LMAN1L: variants seen among roughly 807,000 people sequenced by gnomAD.
LMAN1L encodes protein ERGIC-53-like.
A neutral mutation model predicts 58.3 loss-of-function variants in LMAN1L; 60 were observed. The ratio of observed to expected loss-of-function variants is 1.03; its 90% CI spans 0.84 to 1.27. LMAN1L has a LOEUF of 1.27. Ranked by LOEUF, LMAN1L falls within the 50% of genes most tolerant of loss-of-function variation. The pLI is 0.00. For missense variants in LMAN1L, 629 were observed against 674.0 expected, an observed-to-expected ratio of 0.93 and a Z score of 0.74; for synonymous variants, 280 against 271.6, an observed-to-expected ratio of 1.03 and a Z score of -0.31.
intron 1 of LMAN1L, chr15:74,813,510 G>A (rs1280821397): frequency 4.4e-6 from 2 of 455,956 alleles, no homozygotes; most frequent in African/African-American, 4.0e-5. Flanking sequence ...CCCTGTATGT[G>A]TGTTGTGGGT....
At chr15:74,819,099 G>A in intron 5 of LMAN1L, 53 bp from the exon 6 acceptor site, 1 of 1,551,668 alleles carries the variant, frequency 6.4e-7, no homozygotes, top group South Asian at 1.2e-5. Flanking sequence ...GGGGAGCCAG[G>A]GAGTCAGAGG....
In LMAN1L at chr15:74,819,244, G is replaced by A. The variant is rs375882145; in HGVS notation, c.690G>A (p.Gly230=). Residue 230 remains glycine, a synonymous_variant, in exon 6 of 14, where the codon GGG becomes GGA. Coordinates refer to ENST00000309664, the MANE Select transcript of LMAN1L (RefSeq NM_021819.3). ...PLLLVPGGFF[G]VSAATGTLAD... ...TTTTGGTCCCTGGAGGTTTCTTTGGGGTCTCAGCAGCCACCGGCACCCTGG... is the reference window on the plus strand; with the variant it reads ...TTTTGGTCCCTGGAGGTTTCTTTGGAGTCTCAGCAGCCACCGGCACCCTGG... 1.2e-6 allele frequency: 2 copies of A among 1,613,976 alleles called. No individual in the cohort carries two copies. The highest frequency in any genetic ancestry group is 2.7e-5 in the African/African-American group (2 of 74,892).
intron 12 of LMAN1L, 80 bp downstream of exon 12, chr15:74,823,762 A>G (rs2063928546): frequency 2.0e-6 from 3 of 1,532,844 alleles, no homozygotes; most frequent in Non-Finnish European, 2.7e-6. Flanking sequence ...GCACTTCAGC[A>G]GCCCCAAGCC....
rs2063909595 is a variant in LMAN1L, at chr15:74,820,095, C to T, written c.770C>T (p.Pro257Leu). The T allele has an allele frequency of 6.2e-7, 1 of 1,613,842 alleles. No homozygotes were observed. The highest frequency in any genetic ancestry group is 1.3e-5 in the African/African-American group (1 of 74,918). The change falls in exon 7 of 14, where the codon CCA (proline) becomes CTA (leucine). Residue 257 changes from proline (P) to leucine (L), a missense_variant. Around this residue, in one of 3 missense-constraint regions of LMAN1L, gnomAD observed 573 missense variants for 597.3 expected, o/e 0.96. Coordinates refer to ENST00000309664, the MANE Select transcript of LMAN1L (RefSeq NM_021819.3). ...FLTFSLSEPS[P>L]EVPPQPFLEM... ...ACCTTCAGCCTGAGTGAGCCCAGCC[C>T]AGAGGTGATGCCAGCCCTGGCCTAC...
chr15:74,821,092 CT>C lies in LMAN1L; in HGVS notation c.926del (p.Leu309ArgfsTer91). ...AQGEGERLFD[L>X]EETLGRHRRI... ...ATCCCCAGGGGAAAGGCTCTTTGAC[CT>C]GGAGGAGACGCTGGGCAGACACCGC... On this transcript the variant is annotated frameshift_variant, in exon 9 of 14. Transcript: ENST00000309664. LOFTEE classifies it high-confidence loss of function. 1 of 1,576,206 alleles carries C rather than the reference CT, an allele frequency of 6.3e-7. No homozygotes were observed. Among genetic ancestry groups the C allele is most frequent in the Non-Finnish European group, 8.6e-7 (1 of 1,161,140 alleles).
At position 74,818,786 on chromosome 15, in the gene LMAN1L, CA is replaced by C; in HGVS notation, c.567del (p.Arg190GlyfsTer13). ...DFRNRPHPFR[A>X]RITYWGQRLR... ...CGGAACCGGCCACACCCCTTCAGAG[CA>C]CGGATCACCTACTGGGGGCAGAGGC... On this transcript the variant is annotated frameshift_variant, in exon 5 of 14. Coordinates refer to ENST00000309664, the MANE Select transcript of LMAN1L (RefSeq NM_021819.3). LOFTEE classifies it high-confidence loss of function. 8 of 1,611,504 alleles carry C rather than the reference CA, an allele frequency of 5.0e-6. No homozygotes were observed. The highest frequency in any genetic ancestry group is 6.8e-6 in the Non-Finnish European group (8 of 1,179,158).
intron 9 of LMAN1L, 106 bp downstream of exon 9, chr15:74,821,332 C>A: frequency 7.5e-7 from 1 of 1,336,380 alleles, no homozygotes; most frequent in Non-Finnish European, 1.0e-6. Flanking sequence ...GAAAGGAAGG[C>A]AGGGATGAAA....
In LMAN1L at chr15:74,821,178, G is replaced by A; in HGVS notation, c.1011G>A (p.Trp337Ter). Residue 337 changes from tryptophan (W) to a stop codon, truncating the protein, a stop_gained, in exon 9 of 14, where the codon TGG becomes TGA. Transcript: ENST00000309664. LOFTEE classifies it high-confidence loss of function. ...SKQLAQAERQ[W>*]KKQLGPPGQA... ...AGCTGGCCCAGGCTGAGAGACAATG[G>A]AAGAAGCAGCTGGGGCCCCCAGGCC... The A allele has an allele frequency of 1.3e-6, 2 of 1,551,454 alleles. No homozygotes were observed. The highest frequency in any genetic ancestry group is 1.7e-6 in the Non-Finnish European group (2 of 1,147,818).
rs753318554 is a variant in LMAN1L at position 74,816,564 on chromosome 15, G to A, written c.438+30G>A. 8.9e-6 allele frequency: 14 copies of A among 1,580,602 alleles called. No individual in the cohort carries two copies. In the Middle Eastern group the frequency reaches 5.1e-4, roughly 57 times the overall value. ...GTAGTGGTCTCCTGCCTGCCAGCCCGCCTGCCCGCTCACACCCTCCCCCTC... is the reference window on the plus strand; with the variant it reads ...GTAGTGGTCTCCTGCCTGCCAGCCCACCTGCCCGCTCACACCCTCCCCCTC... On this transcript the variant is annotated intron_variant, in intron 3 of 13. Coordinates refer to ENST00000309664, the MANE Select transcript of LMAN1L (RefSeq NM_021819.3).
At chr15:74,814,834 C>G (rs2063883672) in intron 1 of LMAN1L, among the ~76,000 whole-genome samples, 1 of 152,170 alleles carries the variant, frequency 6.6e-6, no homozygotes, top group Non-Finnish European at 1.5e-5. Context: ...AGATGATAGG[C>G]CCTGTCAGTA....
chr15:74,819,254 G>A lies in LMAN1L; in HGVS notation c.700G>A (p.Ala234Thr). The change falls in exon 6 of 14, where the codon GCC (alanine) becomes ACC (threonine). Residue 234 changes from alanine to threonine, a missense_variant. Around this residue, in one of 3 missense-constraint regions of LMAN1L, gnomAD observed 573 missense variants for 597.3 expected, o/e 0.96. Transcript: ENST00000309664. ...TGGAGGTTTCTTTGGGGTCTCAGCA[G>A]CCACCGGCACCCTGGCAGGTGAGGA... The part of the protein sequence containing the change: ...VPGGFFGVSA[A>T]TGTLADDHDV... 6.2e-7 allele frequency: 1 copy of A among 1,614,180 alleles called. No individual in the cohort carries two copies. The highest frequency in any genetic ancestry group is 8.5e-7 in the Non-Finnish European group (1 of 1,180,008).
At position 74,816,351 on chromosome 15, in the gene LMAN1L, C is replaced by A. The variant is rs769482188; in HGVS notation, c.330+40C>A. ...CCAGAGCTGACAGAGCGGGGTGGGT[C>A]AGGGAGGCGGGTGATGAGCCCCGGG... On this transcript the variant is annotated intron_variant, in intron 2 of 13. Transcript: ENST00000309664. 48 of 1,605,886 alleles carry A rather than the reference C, an allele frequency of 3.0e-5. No homozygotes were observed. The Middle Eastern group carries it at 9.9e-4, about 33-fold the overall frequency.
chr15:74,825,590 C>T lies in LMAN1L; in HGVS notation c.1566C>T (p.Ala522=). ...LGILRRQPLP[A]SMPA ...TTCTGAGGAGGCAGCCTCTCCCTGC[C>T]AGCATGCCTGCCTGACCCACCTCAG... Residue 522 remains alanine, a synonymous_variant, in exon 14 of 14, where the codon GCC becomes GCT. Transcript: ENST00000309664. 6.2e-7 allele frequency: 1 copy of T among 1,611,918 alleles called. No homozygotes were observed. Among genetic ancestry groups the T allele is most frequent in the Non-Finnish European group, 8.5e-7 (1 of 1,178,788 alleles).
At chr15:74,818,883 G>A (rs948800890) in intron 5 of LMAN1L, 66 bp downstream of exon 5, 34 of 1,398,428 alleles carry the variant, frequency 2.4e-5, no homozygotes, top group African/African-American at 1.3e-4. Context: ...GCGTGCCCAC[G>A]GCCCCAACAC....
intron 10 of LMAN1L, among the ~76,000 whole-genome samples, chr15:74,822,281 G>A (rs1416487928): frequency 6.0e-4 from 91 of 152,290 alleles, no homozygotes; most frequent in African/African-American, 2.1e-3. Flanking sequence ...CAGAAGAATC[G>A]CTTGAACCCA....
Position 74,819,186 on chromosome 15 carries a change from C to T in LMAN1L, c.632C>T (p.Pro211Leu). Residue 211 changes from proline to leucine, a missense_variant, in exon 6 of 14, where the codon CCA (proline) becomes CTA (leucine). Pro to Leu is a moderately conservative substitution (Grantham distance 98). This residue lies in a region of LMAN1L where 573 missense variants were observed against 597.3 expected (regional missense o/e 0.96). Coordinates refer to ENST00000309664, the MANE Select transcript of LMAN1L (RefSeq NM_021819.3). ...SLNSGLTPSD[P>L]GEFCVDVGPL... ...AACAGTGGCCTCACTCCCAGTGATC[C>T]AGGTGAGTTCTGTGTGGATGTGGGG... 1.9e-6 allele frequency: 3 copies of T among 1,613,906 alleles called. No homozygotes were observed. Among genetic ancestry groups the T allele is most frequent in the Non-Finnish European group, 2.5e-6 (3 of 1,179,860 alleles).
chr15:74,825,558 C>T lies in LMAN1L; in HGVS notation c.1534C>T (p.Leu512=), dbSNP rs200473783. 11 of 1,613,398 alleles carry T rather than the reference C, an allele frequency of 6.8e-6. No individual in the cohort carries two copies. The South Asian group carries it at 1.1e-4, about 16-fold the overall frequency. ...LGPAPHTPRA[L]GILRRQPLPA... ...TCCTGCACCACACACCCCCAGGGCC[C>T]TGGGGATTCTGAGGAGGCAGCCTCT... The change falls in exon 14 of 14, where the codon CTG becomes TTG. Residue 512 remains leucine (L), a synonymous_variant. Transcript: ENST00000309664.
intron 11 of LMAN1L, 78 bp from the exon 12 acceptor site, chr15:74,823,481 G>A: frequency 6.5e-7 from 1 of 1,533,608 alleles, no homozygotes; most frequent in Non-Finnish European, 9.0e-7. Context: ...CCCTTGGGGA[G>A]ATGGGAAATG....
chr15:74,819,196 C>A lies in LMAN1L; in HGVS notation c.642C>A (p.Phe214Leu), dbSNP rs1469404304. ...SGLTPSDPGE[F>L]CVDVGPLLLV... is the part of the protein sequence containing the mutation. ...TCACTCCCAGTGATCCAGGTGAGTTCTGTGTGGATGTGGGGCCCCTGCTTT... is the reference window on the plus strand; with the variant it reads ...TCACTCCCAGTGATCCAGGTGAGTTATGTGTGGATGTGGGGCCCCTGCTTT... Residue 214 changes from phenylalanine to leucine, a missense_variant, in exon 6 of 14, where the codon TTC (phenylalanine) becomes TTA (leucine). By Grantham distance (22) the Phe-to-Leu change is conservative. Transcript: ENST00000309664. 1 of 1,614,024 alleles carries A rather than the reference C, an allele frequency of 6.2e-7. No homozygotes were observed. The highest frequency in any genetic ancestry group is 1.3e-5 in the African/African-American group (1 of 74,942).
Sources: allele counts gnomAD v4.1 joint callset (sites outside exome capture counted in the v4.1 genomes callset), GRCh38; gene constraint gnomAD v4.1.1; regional missense constraint gnomAD v4.1.1; transcripts MANE v1.5; gene names NCBI Gene and HGNC (gene_info 2026-07-23, HGNC 2026-07-21).